ELMO3: variants seen among roughly 807,000 people sequenced by gnomAD.
The protein encoded by ELMO3 is engulfment and cell motility protein 3.
Under a neutral mutation model 89.0 loss-of-function variants are expected in ELMO3, and 81 were observed. That is an observed-to-expected ratio of 0.91 (90% confidence interval 0.76 to 1.09). The LOEUF is 1.09. Ranked by LOEUF, ELMO3 falls within the 50% of genes least tolerant of loss-of-function variation. The pLI is 0.00. For synonymous variants in ELMO3, 406 were observed against 400.6 expected (o/e 1.01, Z -0.16); for missense variants, 959 against 972.8 (o/e 0.99, Z 0.19).
At position 67,202,024 on chromosome 16, in the gene ELMO3, G is replaced by C; in HGVS notation, c.1098G>C (p.Leu366=). ...TGGAGCGCGTGCCCCCCGGTCTGCTGGCCCTGGACAACATGTTGTACTTCT... is the reference window on the plus strand; with the variant it reads ...TGGAGCGCGTGCCCCCCGGTCTGCTCGCCCTGGACAACATGTTGTACTTCT... ...QDLERVPPGL[L]ALDNMLYFSR... is the part of the protein sequence containing the mutation. The change falls in exon 12 of 20, where the codon CTG becomes CTC. Residue 366 remains leucine (L), a synonymous_variant. Coordinates refer to ENST00000393997, the MANE Select transcript of ELMO3 (RefSeq NM_024712.5). The C allele has an allele frequency of 6.2e-7, 1 of 1,613,466 alleles. No individual in the cohort carries two copies. The highest frequency in any genetic ancestry group is 8.5e-7 in the Non-Finnish European group (1 of 1,180,030).
chr16:67,203,017 G>C lies in ELMO3; in HGVS notation c.1675+13G>C. On this transcript the variant is annotated intron_variant, in intron 16 of 19. Coordinates refer to ENST00000393997, the MANE Select transcript of ELMO3 (RefSeq NM_024712.5). This position sits in a 1 kb window ranked among gnomAD's most constrained non-coding sequence, Gnocchi z 4.6. ...CGGCGGCGCCAGGGTCTCTGAATGGGCATGGGCAGGGGGCAGAGGGCAGGC... is the reference window on the plus strand; with the variant it reads ...CGGCGGCGCCAGGGTCTCTGAATGGCCATGGGCAGGGGGCAGAGGGCAGGC... 3.7e-6 allele frequency: 6 copies of C among 1,604,348 alleles called. No homozygotes were observed. Among genetic ancestry groups the C allele is most frequent in the Non-Finnish European group, 5.1e-6 (6 of 1,179,280 alleles).
Position 67,201,427 on chromosome 16 carries a change from A to C in ELMO3, c.787A>C (p.Ile263Leu). Residue 263 changes from isoleucine to leucine, a missense_variant, in exon 9 of 20, where the codon ATC becomes CTC. By Grantham distance (5) the Ile-to-Leu change is conservative. Coordinates refer to ENST00000393997, the MANE Select transcript of ELMO3 (RefSeq NM_024712.5). ...YLWQRNLRQFIYKNIIHSAAP... is the reference protein window; with the variant it reads ...YLWQRNLRQFLYKNIIHSAAP... The stretch of plus-strand genomic sequence containing the variant: ...TTGGCAGAGGAACCTTCGCCAGTTC[A>C]TCTATAAGGTAGGAAGTGGTGGGCC... 6.2e-7 allele frequency: 1 copy of C among 1,613,804 alleles called. No individual in the cohort carries two copies. The highest frequency in any genetic ancestry group is 8.5e-7 in the Non-Finnish European group (1 of 1,179,938).
Position 67,200,475 on chromosome 16 carries a change from C to T in ELMO3, c.438C>T (p.Ser146=). 1.2e-6 allele frequency: 2 copies of T among 1,613,466 alleles called. No individual in the cohort carries two copies. Among genetic ancestry groups the T allele is most frequent in the East Asian group, 4.5e-5 (2 of 44,852 alleles). The change falls in exon 6 of 20, where the codon AGC becomes AGT. Residue 146 remains serine (S), a synonymous_variant. Coordinates refer to ENST00000393997, the MANE Select transcript of ELMO3 (RefSeq NM_024712.5). ...GCCTAGGAGAGGTGCTGGCCCTCAG[C>T]CTGAGGGCCTTCTCAGAGCTCATGG... The part of the protein sequence containing the change: ...GDDLGEVLAL[S]LRAFSELMEH...
chr16:67,199,276 C>G lies in ELMO3; in HGVS notation c.-51C>G, dbSNP rs756373164. ...GCCCCAGGCCAGGTGCACCCTTGGCCGCAGGTGCACGGTCTCCGGAAAGTG... is the reference window on the plus strand; with the variant it reads ...GCCCCAGGCCAGGTGCACCCTTGGCGGCAGGTGCACGGTCTCCGGAAAGTG... On this transcript the variant is annotated 5_prime_UTR_variant, in exon 1 of 20. Transcript: ENST00000393997. 6.2e-6 allele frequency: 10 copies of G among 1,612,122 alleles called. No individual in the cohort carries two copies.
At position 67,200,249 on chromosome 16, in the gene ELMO3, C is replaced by G; in HGVS notation, c.301C>G (p.Arg101Gly). 6.2e-7 allele frequency: 1 copy of G among 1,613,716 alleles called. No individual in the cohort carries two copies. The highest frequency in any genetic ancestry group is 8.5e-7 in the Non-Finnish European group (1 of 1,180,012). The change falls in exon 5 of 20, where the codon CGG becomes GGG. Residue 101 changes from arginine (R) to glycine (G), a missense_variant. Arg to Gly is a moderately radical substitution (Grantham distance 125). Transcript: ENST00000393997. ...GCAGAGTAACAGTCCTGAAGGGCGCCGGGAAGCCCTGAGGCGCCTTGTTCC... is the reference window on the plus strand; with the variant it reads ...GCAGAGTAACAGTCCTGAAGGGCGCGGGGAAGCCCTGAGGCGCCTTGTTCC... ...GLQSNSPEGR[R>G]EALRRLVPLA...
chr16:67,203,749 C>G lies in ELMO3; in HGVS notation c.2035C>G (p.Leu679Val), dbSNP rs1597283168. Reference protein sequence around the residue: ...EQTRLDLEQLLTMETKLRLLE... With the variant: ...EQTRLDLEQLVTMETKLRLLE... ...GACACGGCTGGACCTGGAGCAGCTG[C>G]TGACCATGGAGACCAAGCTGCGTCT... is the stretch of plus-strand genomic sequence containing the variant. The change falls in exon 20 of 20, where the codon CTG (leucine) becomes GTG (valine). Residue 679 changes from leucine (L) to valine (V), a missense_variant. Leu to Val is a conservative substitution (Grantham distance 32). Transcript: ENST00000393997. The surrounding 1 kb of genome is among the most constrained non-coding windows in gnomAD (Gnocchi z 4.6). The G allele has an allele frequency of 1.9e-6, 3 of 1,613,508 alleles. No individual in the cohort carries two copies. The highest frequency in any genetic ancestry group is 2.5e-6 in the Non-Finnish European group (3 of 1,180,018).
At position 67,201,623 on chromosome 16, in the gene ELMO3, C is replaced by T; in HGVS notation, c.899C>T (p.Pro300Leu). Residue 300 changes from proline to leucine, a missense_variant, in exon 10 of 20, where the codon CCC becomes CTC. Transcript: ENST00000393997. ...CTGCTGGAGCCGCGCATGCGGACGC[C>T]CCTGGACCCCTACAGCCAGGTGTGT... The part of the protein sequence containing the change: ...LGLLEPRMRT[P>L]LDPYSQEQRE... 2 of 1,613,054 alleles carry T rather than the reference C, an allele frequency of 1.2e-6. No individual in the cohort carries two copies. Among genetic ancestry groups the T allele is most frequent in the Non-Finnish European group, 1.7e-6 (2 of 1,180,004 alleles).
In ELMO3 at chr16:67,203,602, G is replaced by A; in HGVS notation, c.1950+19G>A. The A allele has an allele frequency of 1.2e-6, 2 of 1,614,054 alleles. No homozygotes were observed. Among genetic ancestry groups the A allele is most frequent in the Non-Finnish European group, 1.7e-6 (2 of 1,180,008 alleles). On this transcript the variant is annotated intron_variant, in intron 19 of 19. Coordinates refer to ENST00000393997, the MANE Select transcript of ELMO3 (RefSeq NM_024712.5). This position sits in a 1 kb window ranked among gnomAD's most constrained non-coding sequence, Gnocchi z 4.6. ...GCGGGAGGTGAGTGTCCGCCAGGCT[G>A]AGGTCGGCAGGTGGGCAGGGGAGGC...
In ELMO3 at chr16:67,202,620, G is replaced by A. The variant is rs2033142520; in HGVS notation, c.1399-7G>A. 1 of 1,613,066 alleles carries A rather than the reference G, an allele frequency of 6.2e-7. No individual in the cohort carries two copies. Among genetic ancestry groups the A allele is most frequent in the African/African-American group, 1.3e-5 (1 of 74,908 alleles). On this transcript the variant is annotated splice_region_variant and splice_polypyrimidine_tract_variant and intron_variant, in intron 14 of 19. Transcript: ENST00000393997. ...TTAGGCCCTGAGCTGAGCTTGGGCG[G>A]CCCCAGGTCATGCAGGTGGTGCGGG... is the stretch of plus-strand genomic sequence containing the variant.
Position 67,201,753 on chromosome 16 carries a change from G to A in ELMO3, c.930G>A (p.Glu310=), listed in dbSNP as rs2033116439. The A allele has an allele frequency of 1.2e-6, 2 of 1,610,380 alleles. No homozygotes were observed. Among genetic ancestry groups the A allele is most frequent in the African/African-American group, 1.3e-5 (1 of 74,934 alleles). Residue 310 remains glutamate, a synonymous_variant, in exon 11 of 20, where the codon GAG becomes GAA. Coordinates refer to ENST00000393997, the MANE Select transcript of ELMO3 (RefSeq NM_024712.5). ...AACACTGACCCCAGGAGCAGCGGGAGCAGCTGCAGGTCCTACGCCAGGCTG... is the reference window on the plus strand; with the variant it reads ...AACACTGACCCCAGGAGCAGCGGGAACAGCTGCAGGTCCTACGCCAGGCTG... ...PLDPYSQEQR[E]QLQVLRQAAF... is the part of the protein sequence containing the mutation.
rs572713732 is a variant in ELMO3, at chr16:67,203,770, C to T, written c.2056C>T (p.Arg686Cys). 6.4e-5 allele frequency: 103 copies of T among 1,613,144 alleles called. 1 individual carries two copies. The highest frequency in any genetic ancestry group is 1.9e-4 in the South Asian group (17 of 91,064). The change falls in exon 20 of 20, where the codon CGT (arginine) becomes TGT (cysteine). Residue 686 changes from arginine to cysteine, a missense_variant. Physicochemically the swap from Arg to Cys is radical, Grantham distance 180. Transcript: ENST00000393997. The surrounding 1 kb of genome is among the most constrained non-coding windows in gnomAD (Gnocchi z 4.6). Reference sequence around the variant, plus strand: ...GCTGCTGACCATGGAGACCAAGCTGCGTCTGCTGGAGCTGGAGAACGTGCC... The same window carrying T: ...GCTGCTGACCATGGAGACCAAGCTGTGTCTGCTGGAGCTGGAGAACGTGCC... ...EQLLTMETKLRLLELENVPIP... is the reference protein window; with the variant it reads ...EQLLTMETKLCLLELENVPIP...
In ELMO3 at chr16:67,203,275, G is replaced by A; in HGVS notation, c.1780+52G>A. 6.3e-7 allele frequency: 1 copy of A among 1,588,496 alleles called. No homozygotes were observed. Among genetic ancestry groups the A allele is most frequent in the South Asian group, 1.1e-5 (1 of 89,068 alleles). On this transcript the variant is annotated intron_variant, in intron 17 of 19. Transcript: ENST00000393997. The surrounding 1 kb of genome is among the most constrained non-coding windows in gnomAD (Gnocchi z 4.6). ...ATACCTGCTCTCCCCAGACCGCCCT[G>A]GGCCCCGGGGCTGCCAGGGCTGCAG... is the stretch of plus-strand genomic sequence containing the variant.
rs758736244 is a variant in ELMO3 at position 67,202,954 on chromosome 16, G to A, written c.1625G>A (p.Arg542His). 9.9e-6 allele frequency: 16 copies of A among 1,609,218 alleles called. No homozygotes were observed. Among genetic ancestry groups the A allele is most frequent in the South Asian group, 5.5e-5 (5 of 91,082 alleles). The change falls in exon 16 of 20, where the codon CGC becomes CAC. Residue 542 changes from arginine to histidine, a missense_variant. Coordinates refer to ENST00000393997, the MANE Select transcript of ELMO3 (RefSeq NM_024712.5). ...MGLIRQQRLLRLCEGTLFRKI... is the reference protein window; with the variant it reads ...MGLIRQQRLLHLCEGTLFRKI... ...CTGATCCGCCAGCAGCGCTTGCTCC[G>A]CCTCTGTGAGGGGACGCTCTTCCGC...
At position 67,203,169 on chromosome 16, in the gene ELMO3, G is replaced by A. The variant is rs199912356; in HGVS notation, c.1726G>A (p.Gly576Arg). Residue 576 changes from glycine (G) to arginine (R), a missense_variant, in exon 17 of 20, where the codon GGA becomes AGA. Physicochemically the swap from Gly to Arg is moderately radical, Grantham distance 125 (BLOSUM62 -2). Coordinates refer to ENST00000393997, the MANE Select transcript of ELMO3 (RefSeq NM_024712.5). This position sits in a 1 kb window ranked among gnomAD's most constrained non-coding sequence, Gnocchi z 4.6. The stretch of plus-strand genomic sequence containing the variant: ...CCCCAACCACAAGCTGCTGCAGTAC[G>A]GAGACATGGAGGAGGGCGCCAGCCC... The part of the protein sequence containing the change: ...LSPNHKLLQY[G>R]DMEEGASPPT... 156 of 1,612,074 alleles carry A rather than the reference G, an allele frequency of 9.7e-5. No homozygotes were observed. The highest frequency in any genetic ancestry group is 2.8e-4 in the Admixed American group (17 of 59,946).
chr16:67,199,884 G>C (rs553723058), intron 3 of ELMO3, 67 bp from the exon 4 acceptor site: 1 of 1,610,822 alleles, frequency 6.2e-7, no homozygotes, highest in African/African-American at 1.3e-5. Flanking sequence ...CGCCCTCACC[G>C]ACACCCCAGT....
At chr16:67,201,666 G>C in intron 10 of ELMO3, 24 bp downstream of exon 10, 1 of 1,610,018 alleles carries the variant, frequency 6.2e-7, no homozygotes, top group Non-Finnish European at 8.5e-7. Context: ...GTGAGGACAA[G>C]GCAGGGGGTG....
rs535312917 is a variant in ELMO3, at chr16:67,200,427, C to T, written c.414-24C>T. On this transcript the variant is annotated intron_variant, in intron 5 of 19. Coordinates refer to ENST00000393997, the MANE Select transcript of ELMO3 (RefSeq NM_024712.5). ...TTTCTGGTCCTGGGGTGGTCCTGCTCAGCCCCAGATGTCCCCCCTCCAGCC... is the reference window on the plus strand; with the variant it reads ...TTTCTGGTCCTGGGGTGGTCCTGCTTAGCCCCAGATGTCCCCCCTCCAGCC... 44 of 1,611,758 alleles carry T rather than the reference C, an allele frequency of 2.7e-5. No individual in the cohort carries two copies. In the South Asian group the frequency reaches 4.1e-4, roughly 15 times the overall value.
Position 67,203,684 on chromosome 16 carries a change from G to C in ELMO3, c.1970G>C (p.Gly657Ala). The C allele has an allele frequency of 6.2e-7, 1 of 1,613,736 alleles. No homozygotes were observed. The highest frequency in any genetic ancestry group is 1.1e-5 in the South Asian group (1 of 91,064). The change falls in exon 20 of 20, where the codon GGG becomes GCG. Residue 657 changes from glycine to alanine, a missense_variant. Transcript: ENST00000393997. The surrounding 1 kb of genome is among the most constrained non-coding windows in gnomAD (Gnocchi z 4.6). ...CCCCAGTTCTACCTGTGGACAGATGGGCTCAGTGCCTTGCTGGGCAGTCCC... is the reference window on the plus strand; with the variant it reads ...CCCCAGTTCTACCTGTGGACAGATGCGCTCAGTGCCTTGCTGGGCAGTCCC... Reference protein sequence around the residue: ...SKREFYLWTDGLSALLGSPMG... With the variant: ...SKREFYLWTDALSALLGSPMG...
In ELMO3 at chr16:67,202,097, T is replaced by TG. The variant is rs547779361; in HGVS notation, c.1152+26dup. 6.1e-4 allele frequency: 371 copies of TG among 611,164 alleles called. No homozygotes were observed. The highest frequency in any genetic ancestry group is 2.3e-3 in the East Asian group (44 of 19,348). 37.9% of individuals were successfully genotyped at this position (611,164 alleles called of 1,614,324 possible). A position where few individuals can be genotyped will look rare whatever the true frequency, so the allele number is the denominator to read the frequency against. ...CAGCCGGGTCGGTGACAGGGTAGGG[T>TG]GGGGGGGTGGCAGCATCCCCCAGGC... is the stretch of plus-strand genomic sequence containing the variant. On this transcript the variant is annotated intron_variant, in intron 12 of 19. Transcript: ENST00000393997.
Sources: allele counts gnomAD v4.1 joint callset, GRCh38; gene constraint gnomAD v4.1.1; non-coding constraint Gnocchi (gnomAD v3.1); transcripts MANE v1.5; gene names NCBI Gene and HGNC (gene_info 2026-07-23, HGNC 2026-07-21).